The following GRIN2B variants were observed in gnomAD, a reference collection of about 807,000 sequenced individuals.
GRIN2B encodes glutamate receptor ionotropic, NMDA 2B.
Under a neutral mutation model 114.5 loss-of-function variants are expected in GRIN2B, and 5 were observed. That is an observed-to-expected ratio of 0.04 (90% CI 0.02 to 0.09). The LOEUF is 0.09. GRIN2B is among the 10% of genes least tolerant of loss of function. GRIN2B has a pLI of 1.00. For missense variants in GRIN2B, 1,108 were observed against 1,943.5 expected (o/e 0.57, Z 8.08); for synonymous variants, 787 against 745.1 (o/e 1.06, Z -0.92).
chr12:13,790,676 G>A (rs1025304428), intron 3 of GRIN2B, among the ~76,000 whole-genome samples: 1 of 152,146 alleles, frequency 6.6e-6, no homozygotes, highest in African/African-American at 2.4e-5. Flanking sequence ...TGGTTTGAAG[G>A]GGCATGGTCA....
intron 4 of GRIN2B, among the ~76,000 whole-genome samples, chr12:13,722,992 C>CTG (rs1179805666): frequency 8.1e-4 from 123 of 152,096 alleles, no homozygotes; most frequent in African/African-American, 2.9e-3. Flanking sequence ...TACTGTCCAG[C>CTG]TATAGCTTCT....
intron 2 of GRIN2B, among the ~76,000 whole-genome samples, chr12:13,935,942 T>C (rs2136829320): frequency 6.6e-6 from 1 of 152,306 alleles, no homozygotes. Flanking sequence ...ATCCTGGCTT[T>C]TTGGCCTAGA....
intron 2 of GRIN2B, among the ~76,000 whole-genome samples, chr12:13,930,950 T>C (rs1228811507): frequency 1.3e-5 from 2 of 152,062 alleles, no homozygotes; most frequent in African/African-American, 4.8e-5. Flanking sequence ...AATGTGATTG[T>C]CAAAAAAAAG....
intron 4 of GRIN2B, among the ~76,000 whole-genome samples, chr12:13,695,108 C>A (rs1436213863): frequency 3.9e-5 from 6 of 152,120 alleles, no homozygotes; most frequent in African/African-American, 1.4e-4. Context: ...CCACTCAATT[C>A]ACCAAAGAGA....
At position 13,553,934 on chromosome 12, in the gene GRIN2B, A is replaced by C; in HGVS notation, c.*8849T>G. On this transcript the variant is annotated 3_prime_UTR_variant, in exon 14 of 14. Coordinates refer to ENST00000609686, the MANE Select transcript of GRIN2B (RefSeq NM_000834.5). ...GACAAAGCACTTAGAAAAAGGACAA[A>C]GCACTTAGAAAAATCCAGATTCCAT... 1 of 150,126 alleles carries C rather than the reference A, an allele frequency of 6.7e-6. No homozygotes were observed. Among genetic ancestry groups the C allele is most frequent in the East Asian group, 1.9e-4 (1 of 5,206 alleles). The allele number at this position is 150,126 out of a possible 1,614,324, so 9.3% of individuals were successfully genotyped here.
chr12:13,781,720 T>C (rs956524607), intron 3 of GRIN2B, among the ~76,000 whole-genome samples: 1 of 152,166 alleles, frequency 6.6e-6, no homozygotes, highest in African/African-American at 2.4e-5. Context: ...TATAGCACAG[T>C]AGATTTTTGT....
Position 13,825,496 on chromosome 12 carries a change from T to TTGTGTGTGTGTGTGTGTGTG in GRIN2B, c.411+40282_411+40301dup, listed in dbSNP as rs55893904. Among the ~76,000 whole-genome samples the TTGTGTGTGTGTGTGTGTGTG allele has an allele frequency of 4.8e-4, 59 of 122,962 alleles. 1 individual carries two copies. The highest frequency in any genetic ancestry group is 1.6e-3 in the Admixed American group (18 of 10,954). 80.7% of individuals were successfully genotyped at this position (122,962 alleles called of 152,430 possible). ...TATATATAATAAATATATATATATT[T>TTGTGTGTGTGTGTGTGTGTG]TGTGTGTGTGTGTGTGTGTGTGTGT... On this transcript the variant is annotated intron_variant, in intron 3 of 13. Coordinates refer to ENST00000609686, the MANE Select transcript of GRIN2B (RefSeq NM_000834.5).
chr12:13,934,872 G>C (rs1171650995), intron 2 of GRIN2B, among the ~76,000 whole-genome samples: 1 of 152,172 alleles, frequency 6.6e-6, no homozygotes, highest in Non-Finnish European at 1.5e-5. Flanking sequence ...CATCTGTCAA[G>C]GCAGATATGA....
chr12:13,824,596 T>C (rs929527162), intron 3 of GRIN2B, among the ~76,000 whole-genome samples: 3 of 152,182 alleles, frequency 2.0e-5, no homozygotes, highest in African/African-American at 7.2e-5. Context: ...GGCTCACGCC[T>C]GTAATCCCTC....
At chr12:13,722,791 A>C (rs1335427683) in intron 4 of GRIN2B, among the ~76,000 whole-genome samples, 1 of 152,100 alleles carries the variant, frequency 6.6e-6, no homozygotes, top group Non-Finnish European at 1.5e-5. Context: ...TCCAGTTCAG[A>C]AAAGAAACTG....
At chr12:13,926,690 A>G (rs1866917983) in intron 2 of GRIN2B, among the ~76,000 whole-genome samples, 1 of 152,226 alleles carries the variant, frequency 6.6e-6, no homozygotes, top group Non-Finnish European at 1.5e-5. Context: ...GTGGTGGCTC[A>G]TGCCTGTAAC....
chr12:13,686,229 C>T (rs1950173571), intron 4 of GRIN2B, among the ~76,000 whole-genome samples: 1 of 152,102 alleles, frequency 6.6e-6, no homozygotes, highest in Admixed American at 6.6e-5. Context: ...TTAAAGATAT[C>T]CATTGATCTT....
chr12:13,577,629 T>C (rs940545459), intron 10 of GRIN2B, among the ~76,000 whole-genome samples: 3 of 152,248 alleles, frequency 2.0e-5, no homozygotes, highest in African/African-American at 7.2e-5. Context: ...TTCCTATGTA[T>C]TAGGCATTGT....
chr12:13,940,251 A>G (rs1867215972), intron 2 of GRIN2B, among the ~76,000 whole-genome samples: 1 of 152,076 alleles, frequency 6.6e-6, no homozygotes, highest in African/African-American at 2.4e-5. Flanking sequence ...GGAAAACAAT[A>G]CAATTTACAG....
At chr12:13,629,241 G>T (rs533743982) in intron 5 of GRIN2B, among the ~76,000 whole-genome samples, 4 of 152,194 alleles carry the variant, frequency 2.6e-5, no homozygotes, top group African/African-American at 4.8e-5. Context: ...AAGAATATCT[G>T]TAAAGAGTGA....
chr12:13,612,941 GGAAAAATTGGCT>G (rs1349684881), intron 8 of GRIN2B, among the ~76,000 whole-genome samples: 1 of 152,132 alleles, frequency 6.6e-6, no homozygotes, highest in Non-Finnish European at 1.5e-5. Flanking sequence ...TTTAAAAAGG[GGAAAAATTGGCT>G]GAAAATTAGA....
intron 4 of GRIN2B, among the ~76,000 whole-genome samples, chr12:13,682,909 T>C (rs1431819292): frequency 1.3e-5 from 2 of 152,190 alleles, no homozygotes; most frequent in Non-Finnish European, 2.9e-5. Context: ...CATGAATTAG[T>C]TTAATCTGCA....
chr12:13,962,902 G>C (rs953664530), intron 2 of GRIN2B, among the ~76,000 whole-genome samples: 2 of 152,224 alleles, frequency 1.3e-5, no homozygotes, highest in African/African-American at 4.8e-5. Flanking sequence ...GTCCCTCCCT[G>C]GGGAATGCAG....
chr12:13,594,671 TAAA>T (rs34596965), intron 10 of GRIN2B, among the ~76,000 whole-genome samples: 2 of 142,386 alleles, frequency 1.4e-5, no homozygotes, highest in Non-Finnish European at 3.1e-5. Context: ...CTTAAAGTAT[TAAA>T]AAAAAAAAAA....
Sources: gnomAD v4.1 joint callset for allele counts (sites outside exome capture counted in the v4.1 genomes callset) on GRCh38, gnomAD v4.1.1 for gene constraint, MANE v1.5 for transcripts, NCBI Gene and HGNC (gene_info 2026-07-23, HGNC 2026-07-21) for gene names.